PEPD: variants seen among roughly 807,000 people sequenced by gnomAD.
The protein encoded by PEPD is xaa-Pro dipeptidase.
In PEPD, 53 loss-of-function variants were observed where a neutral mutation model predicts 60.7. The ratio of observed to expected loss-of-function variants is 0.87; its 90% CI spans 0.70 to 1.10. The LOEUF is 1.10. Ranked by LOEUF, PEPD falls within the 50% of genes least tolerant of loss-of-function variation. The pLI is 0.00. For synonymous variants in PEPD, 267 were observed against 284.1 expected (o/e 0.94, Z 0.60); for missense variants, 711 against 711.9 (o/e 1.00, Z 0.01).
At chr19:33,407,221 C>T (rs534663723) in intron 11 of PEPD, among the ~76,000 whole-genome samples, 1 of 152,344 alleles carries the variant, frequency 6.6e-6, no homozygotes, top group African/African-American at 2.4e-5. Flanking sequence ...CAACCAGAGC[C>T]CTCCACCTCT....
chr19:33,516,476 C>T (rs1019324463), intron 1 of PEPD, among the ~76,000 whole-genome samples: 2 of 152,120 alleles, frequency 1.3e-5, no homozygotes, highest in African/African-American at 4.8e-5. Flanking sequence ...GCCCTGGAAA[C>T]AACCAAGACC....
intron 9 of PEPD, among the ~76,000 whole-genome samples, chr19:33,449,307 C>T (rs1014412020): frequency 1.3e-5 from 2 of 152,222 alleles, no homozygotes; most frequent in African/African-American, 4.8e-5. Flanking sequence ...TGGGCCTGAG[C>T]AATTTCAGCA....
chr19:33,413,784 A>G (rs1348214572), intron 9 of PEPD, 141 bp from the exon 10 acceptor site: 2 of 657,762 alleles, frequency 3.0e-6, no homozygotes, highest in Non-Finnish European at 5.6e-6. Context: ...TCTCAGTGTG[A>G]GTCTGTGAGG....
intron 3 of PEPD, among the ~76,000 whole-genome samples, chr19:33,509,317 A>C (rs898454098): frequency 6.6e-6 from 1 of 152,156 alleles, no homozygotes; most frequent in Non-Finnish European, 1.5e-5. Flanking sequence ...GACCACCCCC[A>C]GGAGAAACAG....
chr19:33,486,172 C>T (rs957042865), intron 6 of PEPD, among the ~76,000 whole-genome samples: 21 of 152,110 alleles, frequency 1.4e-4, no homozygotes, highest in African/African-American at 4.1e-4. Flanking sequence ...TTCCAGGGAG[C>T]CTATCTTGCC....
At chr19:33,417,071 C>T (rs563429827) in intron 9 of PEPD, among the ~76,000 whole-genome samples, 7 of 152,244 alleles carry the variant, frequency 4.6e-5, no homozygotes, top group African/African-American at 1.2e-4. Context: ...AACATGAAGA[C>T]GAGTCACAGT....
intron 11 of PEPD, among the ~76,000 whole-genome samples, chr19:33,403,152 G>A (rs1016902574): frequency 6.6e-6 from 1 of 152,206 alleles, no homozygotes; most frequent in African/African-American, 2.4e-5. Flanking sequence ...GGCGCAGGTG[G>A]TGCCCCTTTC....
chr19:33,417,338 C>T (rs944686042), intron 9 of PEPD, among the ~76,000 whole-genome samples: 6 of 152,142 alleles, frequency 3.9e-5, no homozygotes, highest in African/African-American at 1.4e-4. Context: ...TGGTGGAGCC[C>T]CCTCAGCTGG....
At chr19:33,509,649 G>A (rs559869608) in intron 3 of PEPD, among the ~76,000 whole-genome samples, 5 of 152,312 alleles carry the variant, frequency 3.3e-5, no homozygotes, top group Admixed American at 2.6e-4. Context: ...CAGCCCACCT[G>A]GTAATGAGCA....
At chr19:33,441,497 TG>T (rs1344088650) in intron 9 of PEPD, among the ~76,000 whole-genome samples, 1 of 152,222 alleles carries the variant, frequency 6.6e-6, no homozygotes, top group Non-Finnish European at 1.5e-5. Flanking sequence ...TGCACGTCTT[TG>T]CGCCCAGCCA....
At position 33,482,144 on chromosome 19, in the gene PEPD, T is replaced by C. The variant is rs556082595; in HGVS notation, c.504-4054A>G. Among the ~76,000 whole-genome samples the C allele has an allele frequency of 1.2e-4, 19 of 152,094 alleles. No individual in the cohort carries two copies. The South Asian group carries it at 3.5e-3, about 28-fold the overall frequency. Reference sequence around the variant, plus strand: ...ACAAAGACACCTTAAGAAAACAAAATTACACACCCAAATTCCTTGCGAATA... The same window carrying C: ...ACAAAGACACCTTAAGAAAACAAAACTACACACCCAAATTCCTTGCGAATA... On this transcript the variant is annotated intron_variant, in intron 6 of 14. Coordinates refer to ENST00000244137, the MANE Select transcript of PEPD (RefSeq NM_000285.4).
At chr19:33,421,997 C>A (rs774555545) in intron 9 of PEPD, among the ~76,000 whole-genome samples, 7 of 152,026 alleles carry the variant, frequency 4.6e-5, no homozygotes, top group Admixed American at 1.3e-4. Flanking sequence ...ACAAACGGAT[C>A]CTTCCACAAC....
At chr19:33,488,712 C>T (rs1216043866) in intron 6 of PEPD, among the ~76,000 whole-genome samples, 1 of 152,168 alleles carries the variant, frequency 6.6e-6, no homozygotes, top group Non-Finnish European at 1.5e-5. Flanking sequence ...CTGCTCTTAG[C>T]ATAGGGGGAG....
At chr19:33,458,010 GTA>G (rs1969839669) in intron 9 of PEPD, among the ~76,000 whole-genome samples, 1 of 152,218 alleles carries the variant, frequency 6.6e-6, no homozygotes, top group African/African-American at 2.4e-5. Flanking sequence ...TATGTATGTG[GTA>G]TGTCAATGGG....
chr19:33,447,732 C>T (rs1969618636), intron 9 of PEPD, among the ~76,000 whole-genome samples: 1 of 152,182 alleles, frequency 6.6e-6, no homozygotes, highest in African/African-American at 2.4e-5. Flanking sequence ...TGCTTCCTCA[C>T]CCTACTCTGG....
intron 9 of PEPD, among the ~76,000 whole-genome samples, chr19:33,461,357 G>A (rs1429245000): frequency 1.3e-5 from 2 of 152,040 alleles, no homozygotes; most frequent in East Asian, 1.9e-4. Flanking sequence ...GCTAAGGAAC[G>A]GCGGGTATTC....
intron 9 of PEPD, among the ~76,000 whole-genome samples, chr19:33,440,871 G>C (rs1269272769): frequency 1.3e-5 from 2 of 152,214 alleles, no homozygotes; most frequent in Admixed American, 1.3e-4. Context: ...GTAATCCGGT[G>C]AGGGGCACTG....
intron 4 of PEPD, among the ~76,000 whole-genome samples, chr19:33,494,335 T>C (rs1420468539): frequency 2.0e-5 from 3 of 152,194 alleles, no homozygotes; most frequent in Non-Finnish European, 4.4e-5. Context: ...CTTGATTGAG[T>C]GATCACTGAC....
chr19:33,391,456 G>A lies in PEPD; in HGVS notation c.991C>T (p.Arg331Cys), dbSNP rs376817734. The part of the protein sequence containing the change: ...KPGVWWPDMH[R>C]LADRIHLEEL... ...TCCAGGTGGATGCGGTCAGCCAGGC[G>A]GTGCATGTCAGGCCACCAGACACCT... The change falls in exon 13 of 15, where the codon CGC becomes TGC. Residue 331 changes from arginine (R) to cysteine (C), a missense_variant. Physicochemically the swap from Arg to Cys is radical, Grantham distance 180. Transcript: ENST00000244137. 1.9e-5 allele frequency: 30 copies of A among 1,552,866 alleles called. 1 individual carries two copies. The highest frequency in any genetic ancestry group is 6.8e-5 in the African/African-American group (5 of 73,272).
Sources: gnomAD v4.1 joint callset for allele counts (sites outside exome capture counted in the v4.1 genomes callset) on GRCh38, gnomAD v4.1.1 for gene constraint, MANE v1.5 for transcripts, NCBI Gene and HGNC (gene_info 2026-07-23, HGNC 2026-07-21) for gene names.